Variants in KMT2C observed in about 807,000 individuals in gnomAD.
KMT2C encodes lysine methyltransferase 2C.
Under a neutral mutation model 507.9 loss-of-function variants are expected in KMT2C, and 88 were observed. The observed-to-expected ratio is 0.17, with a 90% CI of 0.15 to 0.21. The LOEUF is 0.21. Among genes scored for constraint, KMT2C ranks in the 10% least tolerant of loss-of-function variants. KMT2C has a pLI of 1.00. For missense variants in KMT2C, 4,954 were observed against 5,957.8 expected (o/e 0.83, Z 5.55); for synonymous variants, 2,049 against 2,080.8 (o/e 0.98, Z 0.42).
At chr7:152,423,009 T>G (rs975045690) in intron 1 of KMT2C, among the ~76,000 whole-genome samples, 13 of 136,232 alleles carry the variant, frequency 9.5e-5, no homozygotes, top group African/African-American at 3.6e-4. Context: ...AGAGCGAGAC[T>G]CTCATCTCAA....
chr7:152,219,234 T>C (rs1045698558), intron 23 of KMT2C, among the ~76,000 whole-genome samples: 4 of 152,254 alleles, frequency 2.6e-5, no homozygotes, highest in Admixed American at 1.3e-4. Context: ...CCTCCCAAAG[T>C]GCTGAGATTA....
intron 39 of KMT2C, among the ~76,000 whole-genome samples, chr7:152,172,367 T>G (rs1034187144): frequency 6.6e-6 from 1 of 152,154 alleles, no homozygotes; most frequent in Admixed American, 6.5e-5. Context: ...GAGCATCAGA[T>G]GCTGAAAGGC....
rs73730355 is a variant in KMT2C at position 152,138,375 on chromosome 7, G to A, written c.14643+421C>T. On this transcript the variant is annotated intron_variant, in intron 58 of 58. Transcript: ENST00000262189. This position sits in a 1 kb window ranked among gnomAD's most constrained non-coding sequence, Gnocchi z 4.2. ...AGCACACAATCCTCAGCAGCACGGC[G>A]GCCCAGATTTGCCGCCCACAGCCCA... 1,869 of 166,914 alleles carry A rather than the reference G, an allele frequency of 0.011. 39 individuals carry two copies. Among genetic ancestry groups the A allele is most frequent in the African/African-American group, 0.042 (1,769 of 41,652 alleles). 10.3% of individuals were successfully genotyped at this position (166,914 alleles called of 1,614,324 possible).
intron 1 of KMT2C, among the ~76,000 whole-genome samples, chr7:152,371,996 A>C (rs1247825349): frequency 6.6e-6 from 1 of 152,066 alleles, no homozygotes; most frequent in Non-Finnish European, 1.5e-5. Flanking sequence ...ATCACTACCA[A>C]AAAATCGTCA....
At chr7:152,435,529 G>C in intron 1 of KMT2C, 97 bp downstream of exon 1, 3 of 619,190 alleles carry the variant, frequency 4.8e-6, no homozygotes, top group South Asian at 1.4e-4. Flanking sequence ...CCGCCGGGGG[G>C]CGCCGGGGCG....
chr7:152,236,556 T>G (rs2095278896), intron 15 of KMT2C, among the ~76,000 whole-genome samples: 1 of 152,194 alleles, frequency 6.6e-6, no homozygotes, highest in Non-Finnish European at 1.5e-5. Flanking sequence ...AAAGTTCATT[T>G]TTGCTAGTGT....
At position 152,176,511 on chromosome 7, in the gene KMT2C, T is replaced by C. The variant is rs1262579687; in HGVS notation, c.8942A>G (p.His2981Arg). 4 of 1,614,030 alleles carry C rather than the reference T, an allele frequency of 2.5e-6. No individual in the cohort carries two copies. Among genetic ancestry groups the C allele is most frequent in the South Asian group, 1.1e-5 (1 of 91,086 alleles). ...SNVTVVSRVN[H>R]VFSQGVQVNP... ...TACCTGCACACCCTGAGAAAAAACA[T>C]GGTTTACCCTAGAGACTACTGTCAC... Residue 2981 changes from histidine to arginine, a missense_variant, in exon 38 of 59, where the codon CAT (histidine) becomes CGT (arginine). Physicochemically the swap from His to Arg is conservative, Grantham distance 29. Transcript: ENST00000262189.
In KMT2C at chr7:152,144,892, T is replaced by C. The variant is rs752101899; in HGVS notation, c.14175-11A>G. The stretch of plus-strand genomic sequence containing the variant: ...TTTAAGGTGTGAGGCCTGCAGACAA[T>C]GGCATATCAACAGGAAAAAAATACA... On this transcript the variant is annotated splice_polypyrimidine_tract_variant and intron_variant, in intron 54 of 58. Coordinates refer to ENST00000262189, the MANE Select transcript of KMT2C (RefSeq NM_170606.3). The surrounding 1 kb of genome is among the most constrained non-coding windows in gnomAD (Gnocchi z 4.4). The C allele has an allele frequency of 5.6e-6, 9 of 1,600,620 alleles. 1 individual carries two copies. Among genetic ancestry groups the C allele is most frequent in the South Asian group, 3.3e-5 (3 of 90,394 alleles).
At chr7:152,383,518 A>G (rs1250141221) in intron 1 of KMT2C, among the ~76,000 whole-genome samples, 1 of 152,198 alleles carries the variant, frequency 6.6e-6, no homozygotes, top group African/African-American at 2.4e-5. Context: ...AAGCCGGGAA[A>G]CCCTGGGAAA....
In KMT2C at chr7:152,144,982, A is replaced by G. The variant is rs1474699626; in HGVS notation, c.14175-101T>C. ...GGTTAATTCAGATTCTTACTGACAG[A>G]AACATACATGGAAAGCTGCCTAGCA... is the stretch of plus-strand genomic sequence containing the variant. On this transcript the variant is annotated intron_variant, in intron 54 of 58. Transcript: ENST00000262189. The surrounding 1 kb of genome is among the most constrained non-coding windows in gnomAD (Gnocchi z 4.4). 1.4e-6 allele frequency: 2 copies of G among 1,407,090 alleles called. No homozygotes were observed. Among genetic ancestry groups the G allele is most frequent in the East Asian group, 4.8e-5 (2 of 41,356 alleles). 87.2% of individuals were successfully genotyped at this position (1,407,090 alleles called of 1,614,324 possible). A position where few individuals can be genotyped will look rare whatever the true frequency, so the allele number is the denominator to read the frequency against.
intron 8 of KMT2C, among the ~76,000 whole-genome samples, chr7:152,263,961 T>C (rs374025406): frequency 1.3e-5 from 2 of 152,018 alleles, no homozygotes; most frequent in South Asian, 2.1e-4. Flanking sequence ...GGGGGATAAA[T>C]AGATGTCAAC....
chr7:152,170,707 T>TA (rs2092926105), intron 40 of KMT2C, among the ~76,000 whole-genome samples: 1 of 152,168 alleles, frequency 6.6e-6, no homozygotes, highest in African/African-American at 2.4e-5. Context: ...TTCACTACGT[T>TA]GGTCAGGCTG....
At chr7:152,222,309 A>G (rs550515471) in intron 21 of KMT2C, among the ~76,000 whole-genome samples, 6 of 152,360 alleles carry the variant, frequency 3.9e-5, no homozygotes, top group South Asian at 2.1e-4. Flanking sequence ...CATATTGTCA[A>G]TAACTACAAG....
chr7:152,180,652 T>A, intron 36 of KMT2C, 59 bp downstream of exon 36: 1 of 1,287,890 alleles, frequency 7.8e-7, no homozygotes, highest in Non-Finnish European at 1.1e-6. Flanking sequence ...CTCAGTTTGA[T>A]GAAATGAACA....
chr7:152,215,712 AT>A (rs1277376061), intron 23 of KMT2C, among the ~76,000 whole-genome samples: 1 of 134,440 alleles, frequency 7.4e-6, no homozygotes, highest in African/African-American at 3.3e-5. Flanking sequence ...CACACACAAA[AT>A]ATATATATAT....
At chr7:152,246,940 CA>C (rs1206126934) in intron 14 of KMT2C, among the ~76,000 whole-genome samples, 1 of 152,038 alleles carries the variant, frequency 6.6e-6, no homozygotes, top group Non-Finnish European at 1.5e-5. Flanking sequence ...CTAATTTTCA[CA>C]TTAAAAAATG....
chr7:152,170,023 C>T (rs566308485), intron 40 of KMT2C, among the ~76,000 whole-genome samples: 22 of 152,222 alleles, frequency 1.4e-4, no homozygotes, highest in Non-Finnish European at 2.9e-4. Flanking sequence ...TTAACATGAG[C>T]TGTATACAAG....
At chr7:152,266,860 A>G (rs1266772218) in intron 7 of KMT2C, among the ~76,000 whole-genome samples, 30 of 152,420 alleles carry the variant, frequency 2.0e-4, no homozygotes, top group Admixed American at 1.6e-3. Flanking sequence ...GACGTACTTC[A>G]TGAAGGCTGG....
At chr7:152,174,283 G>C (rs2129111007) in intron 38 of KMT2C, 41 bp from the exon 39 acceptor site, 2 of 969,456 alleles carry the variant, frequency 2.1e-6, no homozygotes, top group Non-Finnish European at 3.3e-6. Flanking sequence ...ATAGTAATTA[G>C]TTCAACGTAC....
Sources: allele counts gnomAD v4.1 joint callset (sites outside exome capture counted in the v4.1 genomes callset), GRCh38; gene constraint gnomAD v4.1.1; non-coding constraint Gnocchi (gnomAD v3.1); transcripts MANE v1.5; gene names NCBI Gene and HGNC (gene_info 2026-07-23, HGNC 2026-07-21).